The following USP7 variants were observed in gnomAD, a reference collection of about 807,000 sequenced individuals.
The protein encoded by USP7 is ubiquitin C-terminal hydrolase 7.
USP7 carries 9 observed loss-of-function variants against 162.9 expected under a neutral mutation model. The observed-to-expected ratio is 0.06, with a 90% confidence interval of 0.03 to 0.10. USP7 has a LOEUF of 0.10. Among genes scored for constraint, USP7 ranks in the 10% least tolerant of loss-of-function variants. The pLI is 1.00. For synonymous variants in USP7, 562 were observed against 475.9 expected (o/e 1.18, Z -2.35); for missense variants, 715 against 1,373.7 (o/e 0.52, Z 7.58).
chr16:8,924,471 C>G (rs1382084269), intron 2 of USP7, among the ~76,000 whole-genome samples: 1 of 152,268 alleles, frequency 6.6e-6, no homozygotes, highest in Non-Finnish European at 1.5e-5. Context: ...CAGGCAGTGC[C>G]TGGAAGGCTG....
At chr16:8,925,506 G>C (rs1040860599) in intron 2 of USP7, among the ~76,000 whole-genome samples, 1 of 152,106 alleles carries the variant, frequency 6.6e-6, no homozygotes, top group African/African-American at 2.4e-5. Context: ...CATATTGTAA[G>C]TGCTTTTGGA....
intron 1 of USP7, among the ~76,000 whole-genome samples, chr16:8,937,410 C>T (rs1168552482): frequency 2.0e-5 from 3 of 152,130 alleles, no homozygotes; most frequent in East Asian, 1.9e-4. Flanking sequence ...GACGTGGTGG[C>T]GCATGCCTGT....
At position 8,909,913 on chromosome 16, in the gene USP7, G is replaced by A. The variant is rs115484176; in HGVS notation, c.1161+832C>T. Among the ~76,000 whole-genome samples, 669 of 152,094 alleles carry A rather than the reference G, an allele frequency of 4.4e-3. 5 individuals are homozygous for A. The highest frequency in any genetic ancestry group is 0.015 in the African/African-American group (624 of 41,482). Reference sequence around the variant, plus strand: ...TGCACTCTAGCCTGGGGAACAGACCGAGTCTCCGTCTCAGAAAAAAAAGCA... The same window carrying A: ...TGCACTCTAGCCTGGGGAACAGACCAAGTCTCCGTCTCAGAAAAAAAAGCA... On this transcript the variant is annotated intron_variant, in intron 11 of 30. Transcript: ENST00000344836.
chr16:8,913,581 C>A (rs910951565), intron 10 of USP7, among the ~76,000 whole-genome samples: 1 of 152,018 alleles, frequency 6.6e-6, no homozygotes, highest in African/African-American at 2.4e-5. Flanking sequence ...TCTTTCACAA[C>A]TGCAGATGAA....
rs1047199606 is a variant in USP7, at chr16:8,963,227, G to A, written c.59C>T (p.Pro20Leu). ...CTCACCTTCCATCTCCATGTCCTCG[G>A]GCTCGCTCAACTGCTGCTCGCCCGC... Reference protein sequence around the residue: ...QKAGEQQLSEPEDMEMEAGDT... With the variant: ...QKAGEQQLSELEDMEMEAGDT... The change falls in exon 1 of 31, where the codon CCC becomes CTC. Residue 20 changes from proline (P) to leucine (L), a missense_variant. Physicochemically the swap from Pro to Leu is moderately conservative, Grantham distance 98. Coordinates refer to ENST00000344836, the MANE Select transcript of USP7 (RefSeq NM_003470.3). 8 of 1,409,878 alleles carry A rather than the reference G, an allele frequency of 5.7e-6. No individual in the cohort carries two copies. The African/African-American group carries it at 7.6e-5, about 13-fold the overall frequency. The allele number at this position is 1,409,878 out of a possible 1,614,324, so 87.3% of individuals were successfully genotyped here. A position where few individuals can be genotyped will look rare whatever the true frequency, so the allele number is the denominator to read the frequency against.
In USP7 at chr16:8,902,392, C is replaced by T. The variant is rs753071325; in HGVS notation, c.1930G>A (p.Gly644Ser). 2.4e-5 allele frequency: 38 copies of T among 1,613,758 alleles called. No individual in the cohort carries two copies. The highest frequency in any genetic ancestry group is 2.9e-5 in the Non-Finnish European group (34 of 1,179,946). Residue 644 changes from glycine (G) to serine (S), a missense_variant, in exon 17 of 31, where the codon GGC becomes AGC. By Grantham distance (56) the Gly-to-Ser change is moderately conservative. This residue lies in a region of USP7 where 197 missense variants were observed against 306.5 expected (regional missense o/e 0.64). Coordinates refer to ENST00000344836, the MANE Select transcript of USP7 (RefSeq NM_003470.3). ...TTAACAATATTTACTGTTTTATTGC[C>T]GTCGGCTTCATTATCTAACATTGCT... ...RPAMLDNEAD[G>S]NKTMIELSDN...
At chr16:8,927,817 C>A (rs1898096020) in intron 2 of USP7, among the ~76,000 whole-genome samples, 1 of 152,160 alleles carries the variant, frequency 6.6e-6, no homozygotes. Context: ...GCCTGGGCGA[C>A]ACAACAAGAA....
intron 11 of USP7, among the ~76,000 whole-genome samples, chr16:8,908,859 T>C (rs2061899820): frequency 6.6e-6 from 1 of 152,212 alleles, no homozygotes; most frequent in African/African-American, 2.4e-5. Flanking sequence ...TTACCCAAGA[T>C]TAGGTATGCT....
At chr16:8,933,132 GT>G (rs1596395438) in intron 1 of USP7, among the ~76,000 whole-genome samples, 1 of 152,042 alleles carries the variant, frequency 6.6e-6, no homozygotes, top group African/African-American at 2.4e-5. Flanking sequence ...TAGAGACAGG[GT>G]TTCATCATGT....
chr16:8,906,671 G>A, intron 12 of USP7, 89 bp from the exon 13 acceptor site: 1 of 1,324,996 alleles, frequency 7.5e-7, no homozygotes, highest in South Asian at 1.4e-5. Context: ...TAATGTACTG[G>A]CTCATCTTTA....
At chr16:8,925,356 C>T (rs988974760) in intron 2 of USP7, among the ~76,000 whole-genome samples, 1 of 152,146 alleles carries the variant, frequency 6.6e-6, no homozygotes, top group Non-Finnish European at 1.5e-5. Flanking sequence ...GTATACAGAA[C>T]TGCACAGAAG....
intron 1 of USP7, among the ~76,000 whole-genome samples, chr16:8,945,574 T>C (rs1899239152): frequency 6.6e-6 from 1 of 152,152 alleles, no homozygotes. Context: ...GGAAAATCAC[T>C]GAGACTGGGG....
intron 10 of USP7, among the ~76,000 whole-genome samples, chr16:8,911,484 A>G (rs576967873): frequency 6.6e-6 from 1 of 152,348 alleles, no homozygotes; most frequent in Admixed American, 6.5e-5. Flanking sequence ...GAGTGTATGG[A>G]GAGCTCGTCC....
At chr16:8,928,910 C>T (rs7202585) in intron 2 of USP7, among the ~76,000 whole-genome samples, 9,201 of 151,998 alleles carry the variant, frequency 0.061, 310 homozygotes, top group Middle Eastern at 0.15. Context: ...ATGTCATGAC[C>T]GCAAGTGGAG....
At chr16:8,936,839 A>C in intron 1 of USP7, 1 of 997,804 alleles carries the variant, frequency 1.0e-6, no homozygotes, top group Non-Finnish European at 1.3e-6. Context: ...AACTGGTGAA[A>C]CTCTGAAAGA....
chr16:8,961,793 A>T (rs922550367), intron 1 of USP7, among the ~76,000 whole-genome samples: 4 of 152,170 alleles, frequency 2.6e-5, no homozygotes, highest in Non-Finnish European at 5.9e-5. Flanking sequence ...TTCCCTCAGT[A>T]AAGTACTTCT....
chr16:8,951,709 A>C (rs1899561152), intron 1 of USP7, among the ~76,000 whole-genome samples: 3 of 152,162 alleles, frequency 2.0e-5, no homozygotes, highest in Non-Finnish European at 4.4e-5. Flanking sequence ...CGCAGACAAG[A>C]CTCAGGCCTT....
intron 1 of USP7, among the ~76,000 whole-genome samples, chr16:8,937,145 G>A (rs1898784135): frequency 6.6e-6 from 1 of 152,112 alleles, no homozygotes; most frequent in Non-Finnish European, 1.5e-5. Context: ...AGTAATCCCA[G>A]GCACTTAGGA....
chr16:8,951,982 G>A (rs1041807974), intron 1 of USP7, among the ~76,000 whole-genome samples: 1 of 152,228 alleles, frequency 6.6e-6, no homozygotes, highest in Non-Finnish European at 1.5e-5. Context: ...ACACCACAAC[G>A]TTCAGACTGG....
Sources: allele counts gnomAD v4.1 joint callset (sites outside exome capture counted in the v4.1 genomes callset), GRCh38; gene constraint gnomAD v4.1.1; regional missense constraint gnomAD v4.1.1; transcripts MANE v1.5; gene names NCBI Gene and HGNC (gene_info 2026-07-23, HGNC 2026-07-21).